The following DCHS2 variants were observed in gnomAD, a reference collection of about 807,000 sequenced individuals.
DCHS2 encodes the protein protocadherin-23.
DCHS2 carries 142 observed loss-of-function variants against 182.4 expected under a neutral mutation model. That is an observed-to-expected ratio of 0.78 (90% confidence interval 0.68 to 0.89). The LOEUF is 0.89. Ranked by LOEUF, DCHS2 falls within the 40% of genes least tolerant of loss-of-function variation. The pLI is 0.00. For synonymous variants in DCHS2, 1,740 were observed against 1,663.3 expected (o/e 1.05, Z -1.12); for missense variants, 4,319 against 4,198.6 (o/e 1.03, Z -0.79).
chr4:154,333,481 T>C lies in DCHS2; in HGVS notation c.2727A>G (p.Pro909=). ...KAREPLNSSE[P]IFYRISSGDL... ...CACCAGAAGAAATCCTGTAAAAGAT[T>C]GGTTCTGAGGAGTCTGAAAAAGAGA... Residue 909 remains proline, a synonymous_variant, in exon 5 of 20, where the codon CCA becomes CCG. Transcript: ENST00000357232. 4 of 1,612,346 alleles carry C rather than the reference T, an allele frequency of 2.5e-6. No individual in the cohort carries two copies. The highest frequency in any genetic ancestry group is 1.7e-4 in the Middle Eastern group (1 of 6,058).
intron 16 of DCHS2, among the ~76,000 whole-genome samples, chr4:154,248,921 A>G (rs896530579): frequency 6.6e-6 from 1 of 152,202 alleles, no homozygotes; most frequent in Non-Finnish European, 1.5e-5. Context: ...CTTTTACCAT[A>G]TACAAAAATT....
intron 1 of DCHS2, among the ~76,000 whole-genome samples, chr4:154,382,812 A>C (rs1731232993): frequency 6.6e-6 from 1 of 152,202 alleles, no homozygotes; most frequent in Non-Finnish European, 1.5e-5. Context: ...ATCTTGCACC[A>C]GTCAGAATAG....
intron 12 of DCHS2, among the ~76,000 whole-genome samples, chr4:154,301,981 ACAAT>A (rs1230519703): frequency 6.6e-6 from 1 of 152,232 alleles, no homozygotes; most frequent in Non-Finnish European, 1.5e-5. Flanking sequence ...CATAATAATA[ACAAT>A]CTAATATAAT....
chr4:154,462,342 G>A (rs539668204), intron 1 of DCHS2, among the ~76,000 whole-genome samples: 63 of 152,212 alleles, frequency 4.1e-4, no homozygotes, highest in African/African-American at 1.3e-3. Context: ...AAAGGACTAC[G>A]AACAATCACA....
At chr4:154,385,436 C>T (rs144709840) in intron 1 of DCHS2, among the ~76,000 whole-genome samples, 1 of 152,108 alleles carries the variant, frequency 6.6e-6, no homozygotes, top group Non-Finnish European at 1.5e-5. Flanking sequence ...TGGGTATATA[C>T]CCAGTAATGG....
chr4:154,289,982 T>C (rs1734577348), intron 13 of DCHS2, among the ~76,000 whole-genome samples: 1 of 130,748 alleles, frequency 7.6e-6, no homozygotes, highest in Non-Finnish European at 1.7e-5. Context: ...ACATCCAAAT[T>C]GGAAAGGAAA....
At chr4:154,418,414 C>T (rs937152987) in intron 1 of DCHS2, among the ~76,000 whole-genome samples, 1 of 152,172 alleles carries the variant, frequency 6.6e-6, no homozygotes, top group African/African-American at 2.4e-5. Flanking sequence ...GCTGAGAGTG[C>T]CTTTAATCCA....
intron 16 of DCHS2, among the ~76,000 whole-genome samples, chr4:154,247,167 T>A (rs1377313031): frequency 2.6e-5 from 4 of 152,028 alleles, no homozygotes; most frequent in Admixed American, 1.3e-4. Context: ...GAAGGAAAAA[T>A]TATACAAAGT....
rs533712114 is a variant in DCHS2 at position 154,442,108 on chromosome 4, C to T, written c.2052+47196G>A. Among the ~76,000 whole-genome samples, 9 of 152,192 alleles carry T rather than the reference C, an allele frequency of 5.9e-5. No homozygotes were observed. The East Asian group carries it at 1.5e-3, about 26-fold the overall frequency. On this transcript the variant is annotated intron_variant, in intron 1 of 19. Coordinates refer to ENST00000357232, the MANE Select transcript of DCHS2 (RefSeq NM_001358235.2). ...CTGGGTGACCTTTCAGCCTTGTTAC[C>T]GCTGGTGACAAAATTTAGTGGGCAG...
At chr4:154,330,161 G>T (rs1736463461) in intron 5 of DCHS2, among the ~76,000 whole-genome samples, 1 of 152,214 alleles carries the variant, frequency 6.6e-6, no homozygotes, top group Admixed American at 6.5e-5. Flanking sequence ...CTGTCAGGAA[G>T]AAATGTAATC....
At chr4:154,262,782 T>C (rs1733050749) in intron 14 of DCHS2, among the ~76,000 whole-genome samples, 1 of 152,222 alleles carries the variant, frequency 6.6e-6, no homozygotes, top group African/African-American at 2.4e-5. Context: ...ACTTAAACAA[T>C]GTCTTTGAAA....
chr4:154,461,750 C>T (rs962115900), intron 1 of DCHS2, among the ~76,000 whole-genome samples: 2 of 151,984 alleles, frequency 1.3e-5, no homozygotes, highest in Non-Finnish European at 2.9e-5. Flanking sequence ...AAGATTATTA[C>T]CATCTGGCTG....
intron 2 of DCHS2, among the ~76,000 whole-genome samples, chr4:154,374,635 C>T (rs940320015): frequency 1.3e-5 from 2 of 152,114 alleles, no homozygotes; most frequent in African/African-American, 2.4e-5. Context: ...GGCTGTACTT[C>T]ATGTTCATTT....
chr4:154,257,538 C>G (rs2111162850), intron 15 of DCHS2, among the ~76,000 whole-genome samples: 1 of 152,238 alleles, frequency 6.6e-6, no homozygotes, highest in East Asian at 1.9e-4. Context: ...AGGCAGTTCA[C>G]CACACCTTTG....
intron 1 of DCHS2, among the ~76,000 whole-genome samples, chr4:154,400,257 T>G (rs1320838603): frequency 3.0e-5 from 4 of 135,530 alleles, no homozygotes; most frequent in East Asian, 4.6e-4. Context: ...GAGCCGAGAT[T>G]GCGCCACTGC....
At chr4:154,458,071 T>G (rs1189185865) in intron 1 of DCHS2, among the ~76,000 whole-genome samples, 1 of 151,860 alleles carries the variant, frequency 6.6e-6, no homozygotes. Flanking sequence ...CATTATTTTA[T>G]GAAAACTGAA....
intron 7 of DCHS2, among the ~76,000 whole-genome samples, chr4:154,326,357 A>G: frequency 6.6e-6 from 1 of 152,304 alleles, no homozygotes; most frequent in East Asian, 1.9e-4. Flanking sequence ...TGTATTGGTT[A>G]CTGGACTATA....
At chr4:154,417,095 A>G (rs2110904590) in intron 1 of DCHS2, among the ~76,000 whole-genome samples, 1 of 152,062 alleles carries the variant, frequency 6.6e-6, no homozygotes, top group African/African-American at 2.4e-5. Context: ...GAAGCCACAC[A>G]AACGCGAATC....
At chr4:154,260,201 C>G (rs191257725) in intron 14 of DCHS2, among the ~76,000 whole-genome samples, 43 of 152,294 alleles carry the variant, frequency 2.8e-4, no homozygotes, top group South Asian at 1.0e-3. Context: ...CCTCCCATTG[C>G]CGGGCCTCCT....
Sources: gnomAD v4.1 joint callset for allele counts (sites outside exome capture counted in the v4.1 genomes callset) on GRCh38, gnomAD v4.1.1 for gene constraint, MANE v1.5 for transcripts, NCBI Gene and HGNC (gene_info 2026-07-23, HGNC 2026-07-21) for gene names.